The following CNST variants were observed in gnomAD, a reference collection of about 807,000 sequenced individuals.
CNST encodes the protein consortin.
CNST carries 39 observed loss-of-function variants against 72.4 expected under a neutral mutation model. The ratio of observed to expected loss-of-function variants is 0.54; its 90% CI spans 0.42 to 0.70. The LOEUF is 0.70. Ranked by LOEUF, CNST falls within the 30% of genes least tolerant of loss-of-function variation. The pLI is 0.00. For synonymous variants in CNST, 332 were observed against 320.1 expected, an observed-to-expected ratio of 1.04 and a Z score of -0.40; for missense variants, 871 against 868.5, an observed-to-expected ratio of 1.00 and a Z score of -0.04.
chr1:246,634,456 A>T lies in CNST; in HGVS notation c.704-17A>T, dbSNP rs750239938. On this transcript the variant is annotated splice_polypyrimidine_tract_variant and intron_variant, in intron 5 of 10. Coordinates refer to ENST00000366513, the MANE Select transcript of CNST (RefSeq NM_152609.3). ...TGTTTTATAAGAGCCAGTGACTAACAAATACTTTAAATTTAGAAACAAAAT... is the reference window on the plus strand; with the variant it reads ...TGTTTTATAAGAGCCAGTGACTAACTAATACTTTAAATTTAGAAACAAAAT... 4.0e-6 allele frequency: 6 copies of T among 1,497,660 alleles called. No homozygotes were observed. The highest frequency in any genetic ancestry group is 3.6e-6 in the Non-Finnish European group (4 of 1,102,526). 92.8% of individuals were successfully genotyped at this position (1,497,660 alleles called of 1,614,324 possible).
At chr1:246,567,812 C>T (rs1170870937) in intron 1 of CNST, among the ~76,000 whole-genome samples, 1 of 152,130 alleles carries the variant, frequency 6.6e-6, no homozygotes, top group Non-Finnish European at 1.5e-5. Context: ...GGTGACTTTG[C>T]ATCCTCTGAA....
At position 246,604,817 on chromosome 1, in the gene CNST, C is replaced by T. The variant is rs568158935; in HGVS notation, c.379+12876C>T. Among the ~76,000 whole-genome samples the T allele has an allele frequency of 3.7e-4, 56 of 151,842 alleles. 1 individual carries two copies. Among genetic ancestry groups the T allele is most frequent in the African/African-American group, 1.3e-3 (54 of 41,206 alleles). On this transcript the variant is annotated intron_variant, in intron 2 of 10. Coordinates refer to ENST00000366513, the MANE Select transcript of CNST (RefSeq NM_152609.3). ...CCAAGTAGCTGGGATTACAGGCATG[C>T]ACCACCATGCCTGGCTAATTTTTGG... is the stretch of plus-strand genomic sequence containing the variant.
intron 2 of CNST, among the ~76,000 whole-genome samples, chr1:246,595,482 T>A (rs1303428284): frequency 6.6e-6 from 1 of 152,208 alleles, no homozygotes; most frequent in East Asian, 1.9e-4. Flanking sequence ...CCATCTTGCT[T>A]CCATCCTCCA....
intron 1 of CNST, among the ~76,000 whole-genome samples, chr1:246,585,772 T>C (rs531427236): frequency 6.7e-6 from 1 of 150,202 alleles, no homozygotes; most frequent in African/African-American, 2.4e-5. Flanking sequence ...ACAGTGGGTA[T>C]ACTCAACGAT....
chr1:246,614,200 C>CT (rs1663532194), intron 2 of CNST, among the ~76,000 whole-genome samples: 1 of 152,010 alleles, frequency 6.6e-6, no homozygotes, highest in Non-Finnish European at 1.5e-5. Context: ...CTAAACACAG[C>CT]TTTTTTATGT....
At chr1:246,576,234 CAAAA>C (rs1232775346) in intron 1 of CNST, among the ~76,000 whole-genome samples, 4 of 13,730 alleles carry the variant, frequency 2.9e-4, no homozygotes, top group African/African-American at 1.0e-3. Context: ...GACTCCGTCT[CAAAA>C]AAAAAAAAAA....
chr1:246,582,064 A>G (rs1401609067), intron 1 of CNST, among the ~76,000 whole-genome samples: 3 of 152,192 alleles, frequency 2.0e-5, no homozygotes, highest in African/African-American at 7.2e-5. Context: ...CGCAGTTGTT[A>G]ATAACCTTAT....
intron 4 of CNST, 92 bp from the exon 5 acceptor site, chr1:246,633,832 C>CT (rs1325276284): frequency 2.6e-6 from 2 of 760,242 alleles, no homozygotes; most frequent in Non-Finnish European, 4.4e-6. Flanking sequence ...TAGTAAGCTG[C>CT]AAATTTCTCA....
chr1:246,605,779 G>A (rs1156839160), intron 2 of CNST: 2 of 119,530 alleles, frequency 1.7e-5, no homozygotes, highest in Non-Finnish European at 3.7e-5. Flanking sequence ...GGTGTCTTCC[G>A]GCCGGGGTAG....
At chr1:246,584,657 G>A (rs1411213755) in intron 1 of CNST, among the ~76,000 whole-genome samples, 1 of 152,190 alleles carries the variant, frequency 6.6e-6, no homozygotes, top group African/African-American at 2.4e-5. Context: ...GACGGAGTGT[G>A]TAGTGGAACT....
intron 2 of CNST, among the ~76,000 whole-genome samples, chr1:246,597,345 C>A (rs1048954082): frequency 6.6e-6 from 1 of 152,188 alleles, no homozygotes. Context: ...ATTTTATCCT[C>A]CAGGAAGAAA....
At chr1:246,663,171 A>G (rs187203998) in intron 10 of CNST, among the ~76,000 whole-genome samples, 48 of 150,932 alleles carry the variant, frequency 3.2e-4, no homozygotes, top group Middle Eastern at 3.5e-3. Context: ...CTGGGCAAAC[A>G]TGGCAAGACC....
chr1:246,668,012 G>A lies in CNST; in HGVS notation c.*2107G>A, dbSNP rs548770085. On this transcript the variant is annotated 3_prime_UTR_variant, in exon 11 of 11. Coordinates refer to ENST00000366513, the MANE Select transcript of CNST (RefSeq NM_152609.3). ...AGCAGGGGCCCAGTGGTGTCTCAGA[G>A]AAACCATGGGTGTCCTCGCCACTTC... The A allele has an allele frequency of 6.6e-6, 1 of 152,318 alleles. No individual in the cohort carries two copies. The highest frequency in any genetic ancestry group is 6.5e-5 in the Admixed American group (1 of 15,296). The allele number at this position is 152,318 out of a possible 1,614,324, so 9.4% of individuals were successfully genotyped here. A position where few individuals can be genotyped will look rare whatever the true frequency, so the allele number is the denominator to read the frequency against.
rs116372794 is a variant in CNST, at chr1:246,654,580, A to G, written c.1837-5619A>G. Among the ~76,000 whole-genome samples, 893 of 152,370 alleles carry G rather than the reference A, an allele frequency of 5.9e-3. 5 individuals carry two copies. Among genetic ancestry groups the G allele is most frequent in the African/African-American group, 0.021 (863 of 41,582 alleles). ...AAGACGCACACATACTGTCTTCTAC[A>G]TCAAACTGCAAACTCCTTAAAGATA... is the stretch of plus-strand genomic sequence containing the variant. On this transcript the variant is annotated intron_variant, in intron 9 of 10. Transcript: ENST00000366513.
intron 2 of CNST, among the ~76,000 whole-genome samples, chr1:246,617,281 T>A (rs2103070702): frequency 6.6e-6 from 1 of 152,362 alleles, no homozygotes; most frequent in African/African-American, 2.4e-5. Context: ...CCTACAGTAT[T>A]GGTGAATAAT....
At chr1:246,631,654 G>A (rs556213502) in intron 3 of CNST, among the ~76,000 whole-genome samples, 2 of 152,288 alleles carry the variant, frequency 1.3e-5, no homozygotes, top group South Asian at 2.1e-4. Flanking sequence ...AGGTAGAGTA[G>A]GAAGAATGAT....
intron 2 of CNST, among the ~76,000 whole-genome samples, chr1:246,613,656 T>C (rs1465301397): frequency 0.064 from 5 of 78 alleles, no homozygotes; most frequent in Non-Finnish European, 0.11. Context: ...TCTCTCTCTC[T>C]CTCTCCTCCT....
chr1:246,652,020 T>C lies in CNST; in HGVS notation c.1836+3983T>C, dbSNP rs145152983. On this transcript the variant is annotated intron_variant, in intron 9 of 10. Coordinates refer to ENST00000366513, the MANE Select transcript of CNST (RefSeq NM_152609.3). ...TGAAGCCTGCAATCTAACAGTCGTCTGGCACCAAGTGTGTTGTCTTTTTGC... is the reference window on the plus strand; with the variant it reads ...TGAAGCCTGCAATCTAACAGTCGTCCGGCACCAAGTGTGTTGTCTTTTTGC... Among the ~76,000 whole-genome samples, 893 of 152,346 alleles carry C rather than the reference T, an allele frequency of 5.9e-3. 11 individuals are homozygous for C. Among genetic ancestry groups the C allele is most frequent in the African/African-American group, 0.02 (849 of 41,580 alleles).
chr1:246,613,646 T>C, intron 2 of CNST, among the ~76,000 whole-genome samples: 1 of 344 alleles, frequency 2.9e-3, no homozygotes, highest in East Asian at 0.033. Flanking sequence ...ATTCTTTCTT[T>C]CTCTCTCTCT....
Sources: allele counts gnomAD v4.1 joint callset (sites outside exome capture counted in the v4.1 genomes callset), GRCh38; gene constraint gnomAD v4.1.1; transcripts MANE v1.5; gene names NCBI Gene and HGNC (gene_info 2026-07-23, HGNC 2026-07-21).